The following CHDH variants were observed in gnomAD, a reference collection of about 807,000 sequenced individuals.
CHDH encodes choline dehydrogenase, also known as choline dehydrogenase, mitochondrial.
A neutral mutation model predicts 56.9 loss-of-function variants in CHDH; 43 were observed. The ratio of observed to expected loss-of-function variants is 0.76; its 90% CI spans 0.59 to 0.97. The LOEUF is 0.97. Among genes scored for constraint, CHDH ranks in the 50% least tolerant of loss-of-function variants. The probability of loss-of-function intolerance (pLI) is 0.00; values close to 1 mark genes in which losing one functional copy is unlikely to be tolerated. For missense variants in CHDH, 816 were observed against 821.1 expected (o/e 0.99, Z 0.08); for synonymous variants, 364 against 348.5 (o/e 1.04, Z -0.50).
rs982477468 is a variant in CHDH, at chr3:53,813,660, C to T, written c.*4117G>A. ...CAAACTGGCATTCTTACAGGCTGCA[C>T]CATTTCCTAGTATGTCTGCTTTAAG... On this transcript the variant is annotated 3_prime_UTR_variant, in exon 9 of 9. Transcript: ENST00000315251. The T allele has an allele frequency of 6.6e-6, 1 of 152,178 alleles. No homozygotes were observed. The highest frequency in any genetic ancestry group is 1.5e-5 in the Non-Finnish European group (1 of 68,040). The allele number at this position is 152,178 out of a possible 1,614,324, so 9.4% of individuals were successfully genotyped here.
chr3:53,842,677 C>T (rs752718161), intron 1 of CHDH, among the ~76,000 whole-genome samples: 3 of 152,178 alleles, frequency 2.0e-5, no homozygotes, highest in African/African-American at 2.4e-5. Context: ...CCTGAGTCTG[C>T]GGGCTTTCCT....
intron 2 of CHDH, among the ~76,000 whole-genome samples, chr3:53,827,939 A>G (rs2095641855): frequency 6.6e-6 from 1 of 152,204 alleles, no homozygotes; most frequent in Non-Finnish European, 1.5e-5. Flanking sequence ...CAAAATACTG[A>G]AAGTGAAGCG....
intron 2 of CHDH, among the ~76,000 whole-genome samples, chr3:53,832,228 A>T (rs1698355283): frequency 6.6e-6 from 1 of 152,228 alleles, no homozygotes; most frequent in Non-Finnish European, 1.5e-5. Context: ...AACAACTCAA[A>T]TGTCTATCAA....
chr3:53,832,307 G>A (rs1263740195), intron 2 of CHDH, among the ~76,000 whole-genome samples: 7 of 152,166 alleles, frequency 4.6e-5, no homozygotes, highest in Non-Finnish European at 8.8e-5. Flanking sequence ...CAAGGTAGGC[G>A]GATCATGAGG....
Position 53,819,085 on chromosome 3 carries a change from C to G in CHDH, c.1264-45G>C. On this transcript the variant is annotated intron_variant, in intron 7 of 8. Coordinates refer to ENST00000315251, the MANE Select transcript of CHDH (RefSeq NM_018397.5). The surrounding 1 kb of genome is among the most constrained non-coding windows in gnomAD (Gnocchi z 5.4). ...GCAGTGACGGTCCCTCCATAGACAT[C>G]CACAGTGACCTCTGTCAACCCTGGT... is the stretch of plus-strand genomic sequence containing the variant. 7.6e-7 allele frequency: 1 copy of G among 1,318,886 alleles called. No homozygotes were observed. Among genetic ancestry groups the G allele is most frequent in the Non-Finnish European group, 1.1e-6 (1 of 924,204 alleles). The allele number at this position is 1,318,886 out of a possible 1,614,324, so 81.7% of individuals were successfully genotyped here. A position where few individuals can be genotyped will look rare whatever the true frequency, so the allele number is the denominator to read the frequency against.
chr3:53,838,130 G>A (rs1158823292), intron 2 of CHDH, among the ~76,000 whole-genome samples: 1 of 151,712 alleles, frequency 6.6e-6, no homozygotes, highest in Non-Finnish European at 1.5e-5. Flanking sequence ...CCAGGCAAGG[G>A]TGGGGGGCCC....
chr3:53,821,565 A>C, intron 5 of CHDH, 82 bp downstream of exon 5: 1 of 1,253,318 alleles, frequency 8.0e-7, no homozygotes, highest in Non-Finnish European at 1.1e-6. Flanking sequence ...CCACCTCCCC[A>C]CTTCATGCTA....
Position 53,817,812 on chromosome 3 carries a change from C to A in CHDH, c.1750G>T (p.Val584Phe). 1 of 1,612,734 alleles carries A rather than the reference C, an allele frequency of 6.2e-7. No homozygotes were observed. The highest frequency in any genetic ancestry group is 1.1e-5 in the South Asian group (1 of 90,898). The change falls in exon 9 of 9, where the codon GTC (valine) becomes TTC (phenylalanine). Residue 584 changes from valine to phenylalanine, a missense_variant. Coordinates refer to ENST00000315251, the MANE Select transcript of CHDH (RefSeq NM_018397.5). ...GTGGCCAGCGTCCTGGGCTTGTAGA[C>A]AGGGACATCTTTGTCCCAGAGTGCA... ...QPALWDKDVP[V>F]YKPRTLATQR is the part of the protein sequence containing the mutation.
At chr3:53,841,472 T>C (rs1698668284) in intron 1 of CHDH, among the ~76,000 whole-genome samples, 2 of 152,090 alleles carry the variant, frequency 1.3e-5, no homozygotes, top group African/African-American at 4.8e-5. Flanking sequence ...CAGGCTGGAG[T>C]GCAGTGGCAG....
At chr3:53,821,560 T>A (rs2095626513) in intron 5 of CHDH, 87 bp downstream of exon 5, 1 of 1,207,568 alleles carries the variant, frequency 8.3e-7, no homozygotes, top group Non-Finnish European at 1.2e-6. Flanking sequence ...TGCCACCACC[T>A]CCCCACTTCA....
rs1370089299 is a variant in CHDH, at chr3:53,816,423, C to T, written c.*1354G>A. ...GGTAAGAAATTTAAAGAGCAAAGAG[C>T]TGTTGTAAATGCTACTTGTATTTTT... On this transcript the variant is annotated 3_prime_UTR_variant, in exon 9 of 9. Coordinates refer to ENST00000315251, the MANE Select transcript of CHDH (RefSeq NM_018397.5). The T allele has an allele frequency of 6.6e-6, 1 of 152,150 alleles. No individual in the cohort carries two copies. The highest frequency in any genetic ancestry group is 1.5e-5 in the Non-Finnish European group (1 of 68,024). 9.4% of individuals were successfully genotyped at this position (152,150 alleles called of 1,614,324 possible).
In CHDH at chr3:53,822,504, C is replaced by A; in HGVS notation, c.842G>T (p.Gly281Val). The A allele has an allele frequency of 1.2e-6, 2 of 1,611,512 alleles. No homozygotes were observed. The highest frequency in any genetic ancestry group is 2.2e-5 in the East Asian group (1 of 44,798). The change falls in exon 4 of 9, where the codon GGC becomes GTC. Residue 281 changes from glycine (G) to valine (V), a missense_variant. Coordinates refer to ENST00000315251, the MANE Select transcript of CHDH (RefSeq NM_018397.5). ...RAVGVEYVKN[G>V]QSHRAYASKE... is the part of the protein sequence containing the mutation. ...CAGTCCACTCACCCTGTGGCTCTGG[C>A]CATTCTTGACATACTCCACGCCCAC...
At chr3:53,824,307 G>T (rs541920524) in intron 2 of CHDH, among the ~76,000 whole-genome samples, 1 of 152,368 alleles carries the variant, frequency 6.6e-6, no homozygotes, top group East Asian at 1.9e-4. Flanking sequence ...GGGGTAAAAT[G>T]CTTCCCTGTG....
rs570707475 is a variant in CHDH at position 53,823,528 on chromosome 3, C to T, written c.481G>A (p.Ala161Thr). The change falls in exon 3 of 9, where the codon GCG (alanine) becomes ACG (threonine). Residue 161 changes from alanine (A) to threonine (T), a missense_variant. Ala to Thr is a moderately conservative substitution (Grantham distance 58). Transcript: ENST00000315251. ...TTGCGGAAGTAGGGCAGGCAGTGCGCGTAGTCCCAGCCGCGGGCGCCCTGG... is the reference window on the plus strand; with the variant it reads ...TTGCGGAAGTAGGGCAGGCAGTGCGTGTAGTCCCAGCCGCGGGCGCCCTGG... ...QRQGARGWDY[A>T]HCLPYFRKAQ... 1.3e-6 allele frequency: 2 copies of T among 1,542,442 alleles called. No individual in the cohort carries two copies. Among genetic ancestry groups the T allele is most frequent in the Admixed American group, 2.0e-5 (1 of 50,890 alleles).
At chr3:53,820,650 G>A (rs1321041207) in intron 5 of CHDH, 42 bp from the exon 6 acceptor site, 30 of 1,583,008 alleles carry the variant, frequency 1.9e-5, no homozygotes, top group Non-Finnish European at 2.6e-5. Context: ...CTACCAAGGG[G>A]GCTCAGCTGC....
At chr3:53,827,149 T>C (rs58687029) in intron 2 of CHDH, among the ~76,000 whole-genome samples, 24,677 of 152,082 alleles carry the variant, frequency 0.16, 2,786 homozygotes, top group African/African-American at 0.29. Context: ...CCCAAATCTC[T>C]TGTCGAATTG....
In CHDH at chr3:53,816,641, G is replaced by C. The variant is rs2095616336; in HGVS notation, c.*1136C>G. 1 of 152,148 alleles carries C rather than the reference G, an allele frequency of 6.6e-6. No homozygotes were observed. Among genetic ancestry groups the C allele is most frequent in the African/African-American group, 2.4e-5 (1 of 41,418 alleles). 9.4% of individuals were successfully genotyped at this position (152,148 alleles called of 1,614,324 possible). A position where few individuals can be genotyped will look rare whatever the true frequency, so the allele number is the denominator to read the frequency against. On this transcript the variant is annotated 3_prime_UTR_variant, in exon 9 of 9. Coordinates refer to ENST00000315251, the MANE Select transcript of CHDH (RefSeq NM_018397.5). The stretch of plus-strand genomic sequence containing the variant: ...GCTGCCAAGTCATTTCCCAAGACCA[G>C]TATGAGAGAGTCCTTTCTCGGGCTA...
chr3:53,827,828 A>C (rs1289963533), intron 2 of CHDH, among the ~76,000 whole-genome samples: 2 of 152,228 alleles, frequency 1.3e-5, no homozygotes, highest in Non-Finnish European at 2.9e-5. Context: ...TCATCTACAA[A>C]TTCAATGCAG....
intron 2 of CHDH, among the ~76,000 whole-genome samples, chr3:53,840,695 A>G (rs1307897091): frequency 6.6e-6 from 1 of 152,212 alleles, no homozygotes; most frequent in Non-Finnish European, 1.5e-5. Flanking sequence ...CAAATCTTCC[A>G]TGATAAAAAG....
Sources: allele counts gnomAD v4.1 joint callset (sites outside exome capture counted in the v4.1 genomes callset), GRCh38; gene constraint gnomAD v4.1.1; non-coding constraint Gnocchi (gnomAD v3.1); transcripts MANE v1.5; gene names NCBI Gene and HGNC (gene_info 2026-07-23, HGNC 2026-07-21).